Variants in TNFRSF11A observed in about 807,000 individuals in gnomAD.
TNFRSF11A encodes TNF receptor superfamily member 11a.
In TNFRSF11A, 32 loss-of-function variants were observed where a neutral mutation model predicts 55.7. That is an observed-to-expected ratio of 0.57 (90% CI 0.43 to 0.77). TNFRSF11A has a LOEUF of 0.77. Ranked by LOEUF, TNFRSF11A falls within the 30% of genes least tolerant of loss-of-function variation. TNFRSF11A has a pLI of 0.00. For missense variants in TNFRSF11A, 753 were observed against 809.8 expected (o/e 0.93, Z 0.85); for synonymous variants, 311 against 331.0 (o/e 0.94, Z 0.65).
At chr18:62,365,682 GC>G (rs35955647) in intron 7 of TNFRSF11A, among the ~76,000 whole-genome samples, 2 of 152,228 alleles carry the variant, frequency 1.3e-5, no homozygotes, top group Non-Finnish European at 2.9e-5. Flanking sequence ...ACCTCTGACA[GC>G]CCCCAAATGT....
intron 1 of TNFRSF11A, among the ~76,000 whole-genome samples, chr18:62,347,922 CA>C (rs1288520872): frequency 1.4e-5 from 2 of 143,182 alleles, no homozygotes; most frequent in African/African-American, 2.6e-5. Flanking sequence ...AACAAAAAAA[CA>C]AAAAAAAACC....
intron 3 of TNFRSF11A, among the ~76,000 whole-genome samples, chr18:62,351,549 T>A (rs1440394828): frequency 6.6e-6 from 1 of 152,204 alleles, no homozygotes; most frequent in Non-Finnish European, 1.5e-5. Flanking sequence ...GATGTTCTGA[T>A]TCTCTCATTT....
chr18:62,358,172 C>T (rs1909410726), intron 4 of TNFRSF11A, 76 bp from the exon 5 acceptor site: 1 of 1,423,246 alleles, frequency 7.0e-7, no homozygotes, highest in Non-Finnish European at 9.8e-7. Context: ...GGAGTCCCAG[C>T]CTGGATGATC....
At chr18:62,375,353 A>C (rs951978085) in intron 9 of TNFRSF11A, among the ~76,000 whole-genome samples, 1 of 151,954 alleles carries the variant, frequency 6.6e-6, no homozygotes, top group Non-Finnish European at 1.5e-5. Flanking sequence ...ACCCTAACCC[A>C]CTGCACTGTC....
At chr18:62,342,695 A>G (rs1223432548) in intron 1 of TNFRSF11A, among the ~76,000 whole-genome samples, 1 of 152,220 alleles carries the variant, frequency 6.6e-6, no homozygotes, top group Non-Finnish European at 1.5e-5. Flanking sequence ...ATGATAGCCC[A>G]GAACATCTGA....
chr18:62,369,146 G>A lies in TNFRSF11A; in HGVS notation c.1229G>A (p.Arg410Lys). ...ESCNCTEPLC[R>K]TDWTPMSSEN... is the part of the protein sequence containing the mutation. ...TGCAACTGCACTGAGCCCCTGTGCAGGACTGATTGGACTCCCATGTCCTCT... is the reference window on the plus strand; with the variant it reads ...TGCAACTGCACTGAGCCCCTGTGCAAGACTGATTGGACTCCCATGTCCTCT... The change falls in exon 9 of 10, where the codon AGG (arginine) becomes AAG (lysine). Residue 410 changes from arginine to lysine, a missense_variant. Around this residue, in one of 3 missense-constraint regions of TNFRSF11A, gnomAD observed 567 missense variants for 596.7 expected, o/e 0.95. Coordinates refer to ENST00000586569, the MANE Select transcript of TNFRSF11A (RefSeq NM_003839.4). The A allele has an allele frequency of 6.2e-7, 1 of 1,614,120 alleles. No individual in the cohort carries two copies. Among genetic ancestry groups the A allele is most frequent in the South Asian group, 1.1e-5 (1 of 91,090 alleles).
At chr18:62,350,018 G>A in intron 3 of TNFRSF11A, 81 bp downstream of exon 3, 1 of 1,581,888 alleles carries the variant, frequency 6.3e-7, no homozygotes, top group Non-Finnish European at 8.6e-7. Flanking sequence ...TTTAGAGGCA[G>A]CCAATGATGT....
At chr18:62,347,902 TAA>T (rs11338887) in intron 1 of TNFRSF11A, among the ~76,000 whole-genome samples, 6 of 141,244 alleles carry the variant, frequency 4.2e-5, no homozygotes, top group Non-Finnish European at 6.2e-5. Flanking sequence ...AGACTCTGTC[TAA>T]AAAAAAAAAC....
In TNFRSF11A at chr18:62,340,712, T is replaced by C. The variant is rs74562824; in HGVS notation, c.76-7456T>C. Among the ~76,000 whole-genome samples the C allele has an allele frequency of 3.0e-4, 46 of 152,332 alleles. No individual in the cohort carries two copies. The East Asian group carries it at 8.5e-3, about 28-fold the overall frequency. On this transcript the variant is annotated intron_variant, in intron 1 of 9. Transcript: ENST00000586569. ...ACTCAGGGCATTTTCTGTTAAACCCTGTGATTCTCTGTATCTACCTCTGTT... is the reference window on the plus strand; with the variant it reads ...ACTCAGGGCATTTTCTGTTAAACCCCGTGATTCTCTGTATCTACCTCTGTT...
At chr18:62,384,046 AACACACACACACAC>A (rs58712892) in intron 9 of TNFRSF11A, among the ~76,000 whole-genome samples, 12 of 145,950 alleles carry the variant, frequency 8.2e-5, no homozygotes, top group South Asian at 2.3e-4. Flanking sequence ...TTCTGTGTTG[AACACACACACACAC>A]ACACACACAC....
chr18:62,346,694 C>CTG (rs2046389014), intron 1 of TNFRSF11A, among the ~76,000 whole-genome samples: 1 of 152,234 alleles, frequency 6.6e-6, no homozygotes, highest in African/African-American at 2.4e-5. Flanking sequence ...TCCGTGATGG[C>CTG]TGTGTGCCCC....
chr18:62,384,244 C>T (rs1383789430), intron 9 of TNFRSF11A, among the ~76,000 whole-genome samples: 1 of 151,960 alleles, frequency 6.6e-6, no homozygotes, highest in African/African-American at 2.4e-5. Context: ...TTCCTCTCCC[C>T]TCCTTTTCTG....
chr18:62,375,227 G>C (rs1221496964), intron 9 of TNFRSF11A, among the ~76,000 whole-genome samples: 2 of 151,762 alleles, frequency 1.3e-5, no homozygotes, highest in Admixed American at 6.6e-5. Flanking sequence ...GGACAGCCAA[G>C]CCCAGGAGGT....
Position 62,385,311 on chromosome 18 carries a change from A to C in TNFRSF11A, c.*277A>C. ...ACTCGCAGCAGTAATTTGTGGCACTATGACAGCTATTTTTATGACTATCCT... is the reference window on the plus strand; with the variant it reads ...ACTCGCAGCAGTAATTTGTGGCACTCTGACAGCTATTTTTATGACTATCCT... On this transcript the variant is annotated 3_prime_UTR_variant, in exon 10 of 10. Coordinates refer to ENST00000586569, the MANE Select transcript of TNFRSF11A (RefSeq NM_003839.4). 4.6e-5 allele frequency: 14 copies of C among 304,484 alleles called. No homozygotes were observed. Among genetic ancestry groups the C allele is most frequent in the East Asian group, 1.4e-4 (2 of 14,590 alleles). 18.9% of individuals were successfully genotyped at this position (304,484 alleles called of 1,614,324 possible).
At chr18:62,380,883 C>T (rs1911237713) in intron 9 of TNFRSF11A, among the ~76,000 whole-genome samples, 1 of 151,298 alleles carries the variant, frequency 6.6e-6, no homozygotes, top group Non-Finnish European at 1.5e-5. Context: ...ATCACTGGAG[C>T]CTCAGCATCT....
intron 7 of TNFRSF11A, among the ~76,000 whole-genome samples, chr18:62,366,092 A>G (rs187660335): frequency 1.6e-4 from 24 of 152,338 alleles, no homozygotes; most frequent in Admixed American, 2.6e-4. Context: ...TGCTGGCATT[A>G]CAGGTGTGAG....
chr18:62,359,842 G>C, intron 5 of TNFRSF11A, 113 bp from the exon 6 acceptor site: 1 of 856,752 alleles, frequency 1.2e-6, no homozygotes, highest in East Asian at 2.5e-5. Flanking sequence ...TGTCCAAGAA[G>C]GCGTGGGTTC....
intron 1 of TNFRSF11A, among the ~76,000 whole-genome samples, chr18:62,331,273 A>G (rs4076352): frequency 0.043 from 6,532 of 152,238 alleles, 163 homozygotes; most frequent in South Asian, 0.072. Flanking sequence ...CAGGACAAAA[A>G]AGCTGGCTGT....
intron 9 of TNFRSF11A, among the ~76,000 whole-genome samples, chr18:62,376,249 C>A (rs1245967231): frequency 2.7e-5 from 4 of 150,846 alleles, no homozygotes; most frequent in African/African-American, 9.7e-5. Flanking sequence ...GTGGGGAGAG[C>A]CTTTTCTTCC....
Sources: allele counts gnomAD v4.1 joint callset (sites outside exome capture counted in the v4.1 genomes callset), GRCh38; gene constraint gnomAD v4.1.1; regional missense constraint gnomAD v4.1.1; transcripts MANE v1.5; gene names NCBI Gene and HGNC (gene_info 2026-07-23, HGNC 2026-07-21).